STK38L: variants seen among roughly 807,000 people sequenced by gnomAD.
STK38L encodes serine/threonine kinase 38 like, also known as serine/threonine-protein kinase 38-like.
A neutral mutation model predicts 59.7 loss-of-function variants in STK38L; 28 were observed. That is an observed-to-expected ratio of 0.47 (90% CI 0.35 to 0.64). The LOEUF is 0.64. Among genes scored for constraint, STK38L ranks in the 30% least tolerant of loss-of-function variants. STK38L has a pLI of 0.01. For missense variants in STK38L, 314 were observed against 555.8 expected, an observed-to-expected ratio of 0.56 and a Z score of 4.37; for synonymous variants, 162 against 176.8, an observed-to-expected ratio of 0.92 and a Z score of 0.66.
intron 1 of STK38L, among the ~76,000 whole-genome samples, chr12:27,244,997 G>C (rs183061247): frequency 6.6e-6 from 1 of 152,266 alleles, no homozygotes; most frequent in African/African-American, 2.4e-5. Context: ...GTAGAAAAGA[G>C]TATAACCGAT....
At chr12:27,311,887 CTT>C (rs935941332) in intron 5 of STK38L, among the ~76,000 whole-genome samples, 6 of 146,732 alleles carry the variant, frequency 4.1e-5, no homozygotes, top group East Asian at 2.0e-4. Context: ...ATTGCTTACT[CTT>C]TTTTTTTTTG....
At chr12:27,261,291 T>C (rs1481027077) in intron 1 of STK38L, among the ~76,000 whole-genome samples, 5 of 152,240 alleles carry the variant, frequency 3.3e-5, no homozygotes, top group Non-Finnish European at 5.9e-5. Flanking sequence ...CCTCAGTCTC[T>C]AGAATACCAG....
At chr12:27,261,123 C>G (rs1468113962) in intron 1 of STK38L, among the ~76,000 whole-genome samples, 1 of 152,162 alleles carries the variant, frequency 6.6e-6, no homozygotes. Flanking sequence ...CATCGAATTT[C>G]TTCCCAGTGG....
intron 1 of STK38L, among the ~76,000 whole-genome samples, chr12:27,275,634 C>G (rs914174914): frequency 6.6e-6 from 1 of 152,056 alleles, no homozygotes; most frequent in Non-Finnish European, 1.5e-5. Context: ...CCACCACGCC[C>G]GGACTGATTA....
chr12:27,278,302 G>A (rs1943580123), intron 1 of STK38L, among the ~76,000 whole-genome samples: 1 of 152,222 alleles, frequency 6.6e-6, no homozygotes, highest in East Asian at 1.9e-4. Flanking sequence ...TTAAGCTAGA[G>A]CTGAACTATT....
At chr12:27,287,331 A>G (rs1943795661) in intron 1 of STK38L, among the ~76,000 whole-genome samples, 1 of 152,050 alleles carries the variant, frequency 6.6e-6, no homozygotes, top group African/African-American at 2.4e-5. Flanking sequence ...GCTGGTCTCA[A>G]ACTCCTGACC....
At chr12:27,286,408 A>G (rs34003244) in intron 1 of STK38L, among the ~76,000 whole-genome samples, 15,186 of 152,208 alleles carry the variant, frequency 0.1, 783 homozygotes, top group South Asian at 0.12. Context: ...CTGTTTGTTC[A>G]TCACAATTTA....
chr12:27,311,919 C>T (rs899523473), intron 5 of STK38L, among the ~76,000 whole-genome samples: 1 of 151,760 alleles, frequency 6.6e-6, no homozygotes, highest in African/African-American at 2.4e-5. Flanking sequence ...CTCGTTCTGT[C>T]ACCAAGCTGG....
chr12:27,304,876 A>T (rs1263375348), intron 3 of STK38L, among the ~76,000 whole-genome samples: 1 of 151,028 alleles, frequency 6.6e-6, no homozygotes, highest in Non-Finnish European at 1.5e-5. Flanking sequence ...TTGTTTACAT[A>T]TTCAACTTAT....
At chr12:27,263,600 A>G (rs184469476) in intron 1 of STK38L, among the ~76,000 whole-genome samples, 3 of 152,292 alleles carry the variant, frequency 2.0e-5, no homozygotes, top group East Asian at 1.9e-4. Context: ...AGAGTCCCCT[A>G]TTATGTCCTT....
Position 27,314,577 on chromosome 12 carries a change from T to C in STK38L, c.591T>C (p.Thr197=). The change falls in exon 7 of 14, where the codon ACT becomes ACC. Residue 197 remains threonine, a synonymous_variant. Transcript: ENST00000389032. ...AAACACAGTTCTACATTTCAGAGAC[T>C]GTTCTGGCAATAGATGCGATCCACC... is the stretch of plus-strand genomic sequence containing the variant. ...EEETQFYISE[T]VLAIDAIHQL... 1 of 1,610,642 alleles carries C rather than the reference T, an allele frequency of 6.2e-7. No homozygotes were observed. The highest frequency in any genetic ancestry group is 8.5e-7 in the Non-Finnish European group (1 of 1,178,476).
chr12:27,308,315 G>A lies in STK38L; in HGVS notation c.187-24G>A, dbSNP rs781552438. ...AAACAACCTAATTATAAAATCATCC[G>A]TTTAAATTGTTTTTTTTTAATAGAA... On this transcript the variant is annotated intron_variant, in intron 3 of 13. Transcript: ENST00000389032. The surrounding 1 kb of genome is among the most constrained non-coding windows in gnomAD (Gnocchi z 4.5). The A allele has an allele frequency of 1.7e-5, 25 of 1,504,752 alleles. No homozygotes were observed. In the East Asian group the frequency reaches 2.2e-4, roughly 13 times the overall value. The allele number at this position is 1,504,752 out of a possible 1,614,324, so 93.2% of individuals were successfully genotyped here. A position where few individuals can be genotyped will look rare whatever the true frequency, so the allele number is the denominator to read the frequency against.
intron 1 of STK38L, among the ~76,000 whole-genome samples, chr12:27,262,115 G>A (rs1263060047): frequency 6.6e-6 from 1 of 152,150 alleles, no homozygotes; most frequent in African/African-American, 2.4e-5. Context: ...TGAATCAGAC[G>A]TTTGTGTACC....
At chr12:27,255,064 A>G (rs971717658) in intron 1 of STK38L, among the ~76,000 whole-genome samples, 2 of 152,276 alleles carry the variant, frequency 1.3e-5, no homozygotes, top group Admixed American at 1.3e-4. Flanking sequence ...ACAGAAATCA[A>G]CATACTTTAA....
intron 3 of STK38L, among the ~76,000 whole-genome samples, chr12:27,303,971 AGTTTAAC>A (rs967335093): frequency 1.3e-5 from 2 of 152,210 alleles, no homozygotes; most frequent in Admixed American, 1.3e-4. Flanking sequence ...CAGATTAATT[AGTTTAAC>A]ATGCTGAGTG....
chr12:27,308,422 T>C lies in STK38L; in HGVS notation c.270T>C (p.Phe90=). 6.3e-7 allele frequency: 1 copy of C among 1,597,952 alleles called. No homozygotes were observed. The highest frequency in any genetic ancestry group is 1.1e-5 in the South Asian group (1 of 89,650). The change falls in exon 4 of 14, where the codon TTT becomes TTC. Residue 90 remains phenylalanine (F), a synonymous_variant. Coordinates refer to ENST00000389032, the MANE Select transcript of STK38L (RefSeq NM_015000.4). The surrounding 1 kb of genome is among the most constrained non-coding windows in gnomAD (Gnocchi z 4.5). ...LKRTRLGLDD[F]ESLKVIGRGA... ...GGACCAGACTTGGCTTGGATGACTT[T>C]GAGTCTCTGAAAGTTATAGGAAGAG...
At chr12:27,272,572 AAGTCC>A (rs892987993) in intron 1 of STK38L, among the ~76,000 whole-genome samples, 2 of 152,174 alleles carry the variant, frequency 1.3e-5, no homozygotes, top group African/African-American at 2.4e-5. Context: ...TCTTGGAGGG[AAGTCC>A]AGACTTCTGC....
chr12:27,305,170 C>CT (rs1262687392), intron 3 of STK38L, among the ~76,000 whole-genome samples: 1 of 152,164 alleles, frequency 6.6e-6, no homozygotes, highest in Non-Finnish European at 1.5e-5. Flanking sequence ...GTAATCTGGA[C>CT]TTTTTTTGCA....
chr12:27,269,921 G>T (rs1216469095), intron 1 of STK38L, among the ~76,000 whole-genome samples: 1 of 152,180 alleles, frequency 6.6e-6, no homozygotes, highest in East Asian at 1.9e-4. Context: ...GAGATTACAG[G>T]CATGAGCAGC....
Sources: gnomAD v4.1 joint callset for allele counts (sites outside exome capture counted in the v4.1 genomes callset) on GRCh38, gnomAD v4.1.1 for gene constraint, Gnocchi (gnomAD v3.1) non-coding constraint, MANE v1.5 for transcripts, NCBI Gene and HGNC (gene_info 2026-07-23, HGNC 2026-07-21) for gene names.